The following GJB7 variants were observed in gnomAD, a reference collection of about 807,000 sequenced individuals.
GJB7 encodes gap junction beta-7 protein.
For missense variants in GJB7, 253 were observed against 256.8 expected (o/e 0.99, Z 0.10); for synonymous variants, 87 against 95.2 (o/e 0.91, Z 0.50).
At chr6:87,299,368 C>G (rs992344889) in intron 2 of GJB7, 3 of 491,764 alleles carry the variant, frequency 6.1e-6, no homozygotes, top group Non-Finnish European at 1.2e-5. Flanking sequence ...TGGAAAAACA[C>G]TGAATGATGA....
intron 2 of GJB7, among the ~76,000 whole-genome samples, chr6:87,312,032 G>A (rs1445532221): frequency 6.6e-6 from 1 of 152,058 alleles, no homozygotes; most frequent in African/African-American, 2.4e-5. Flanking sequence ...CCCAGGGGAG[G>A]GAGTGGATAG....
chr6:87,311,610 A>G lies in GJB7; in HGVS notation c.-28+11256T>C, dbSNP rs559620019. Among the ~76,000 whole-genome samples, 9 of 152,324 alleles carry G rather than the reference A, an allele frequency of 5.9e-5. No homozygotes were observed. In the South Asian group the frequency reaches 1.9e-3, roughly 32 times the overall value. ...GAATGTGTGAAGTTCATGACACAGT[A>G]TTTTAGGACTGGTGGACACAGTAAG... On this transcript the variant is annotated intron_variant, in intron 2 of 2. Coordinates refer to ENST00000525899, the MANE Select transcript of GJB7 (RefSeq NM_198568.3).
intron 2 of GJB7, among the ~76,000 whole-genome samples, chr6:87,314,538 G>A (rs186113570): frequency 2.6e-5 from 4 of 152,312 alleles, no homozygotes; most frequent in Admixed American, 1.3e-4. Context: ...AAGAAGCTAC[G>A]GAATTTTTTA....
chr6:87,318,465 C>T (rs1582569113), intron 2 of GJB7, among the ~76,000 whole-genome samples: 1 of 152,204 alleles, frequency 6.6e-6, no homozygotes, highest in East Asian at 1.9e-4. Context: ...ACTGACCTCA[C>T]TCAAGGCTTG....
intron 1 of GJB7, among the ~76,000 whole-genome samples, chr6:87,327,056 A>T (rs1176070036): frequency 6.7e-6 from 1 of 150,132 alleles, no homozygotes; most frequent in Non-Finnish European, 1.5e-5. Context: ...TTTGTTGGTT[A>T]AAAGTCTGTT....
At chr6:87,304,482 T>C (rs941426813) in intron 2 of GJB7, among the ~76,000 whole-genome samples, 3 of 152,138 alleles carry the variant, frequency 2.0e-5, no homozygotes, top group African/African-American at 4.8e-5. Context: ...CAGGAAGAAG[T>C]TGAATCCCTG....
intron 2 of GJB7, 34 bp downstream of exon 2, chr6:87,322,832 C>T (rs1160660534): frequency 6.6e-6 from 1 of 152,278 alleles, no homozygotes; most frequent in African/African-American, 2.4e-5. Context: ...CGGTGAAGCT[C>T]TCTGGCCCCA....
chr6:87,306,708 A>G (rs1776433823), intron 2 of GJB7, among the ~76,000 whole-genome samples: 3 of 152,196 alleles, frequency 2.0e-5, no homozygotes, highest in Non-Finnish European at 2.9e-5. Context: ...TCATGCTGCT[A>G]TAAAGACACA....
At position 87,323,380 on chromosome 6, in the gene GJB7, G is replaced by A. The variant is rs191862177; in HGVS notation, c.-205-337C>T. Among the ~76,000 whole-genome samples the A allele has an allele frequency of 6.2e-4, 94 of 151,978 alleles. No homozygotes were observed. In the Middle Eastern group the frequency reaches 0.01, roughly 16 times the overall value. ...TGCTGGTGCGATGCACCCACCAACT[G>A]GACATCTAACATTAGGTATATCTCC... On this transcript the variant is annotated intron_variant, in intron 1 of 2. Coordinates refer to ENST00000525899, the MANE Select transcript of GJB7 (RefSeq NM_198568.3).
intron 2 of GJB7, among the ~76,000 whole-genome samples, chr6:87,305,920 A>G (rs1279745778): frequency 2.6e-5 from 4 of 152,186 alleles, no homozygotes; most frequent in Non-Finnish European, 4.4e-5. Flanking sequence ...AAAACAAGCA[A>G]TGGGGAAAGG....
Position 87,321,494 on chromosome 6 carries a change from T to A in GJB7, c.-28+1372A>T, listed in dbSNP as rs184855100. ...TAATGCTGGTCAGTTGTGTCTAACCTCCAACGGGAGGAAGGTATAATGAGG... is the reference window on the plus strand; with the variant it reads ...TAATGCTGGTCAGTTGTGTCTAACCACCAACGGGAGGAAGGTATAATGAGG... On this transcript the variant is annotated intron_variant, in intron 2 of 2. Transcript: ENST00000525899. 5.3e-5 allele frequency among the ~76,000 whole-genome samples: 8 copies of A among 152,244 alleles called. No homozygotes were observed. The East Asian group carries it at 1.5e-3, about 29-fold the overall frequency.
intron 2 of GJB7, among the ~76,000 whole-genome samples, chr6:87,321,521 A>G (rs1437338443): frequency 6.6e-6 from 1 of 152,158 alleles, no homozygotes; most frequent in Non-Finnish European, 1.5e-5. Context: ...ATAATGAGGC[A>G]TATCCAACCG....
At chr6:87,291,256 A>G (rs1044095921) in intron 2 of GJB7, among the ~76,000 whole-genome samples, 9 of 152,190 alleles carry the variant, frequency 5.9e-5, no homozygotes, top group Non-Finnish European at 7.3e-5. Context: ...ATATAGATGC[A>G]TAAGAGCCAT....
intron 2 of GJB7, among the ~76,000 whole-genome samples, chr6:87,317,866 A>G (rs1776604766): frequency 1.5e-5 from 2 of 130,184 alleles, no homozygotes. Context: ...AACTACACTG[A>G]TAATAAACTT....
intron 1 of GJB7, among the ~76,000 whole-genome samples, chr6:87,323,468 C>A (rs1340029324): frequency 7.5e-6 from 1 of 133,886 alleles, no homozygotes; most frequent in African/African-American, 2.8e-5. Context: ...TGTTCCCCTT[C>A]CTGTGTCCAT....
rs529644296 is a variant in GJB7 at position 87,300,145 on chromosome 6, C to A, written c.-27-15206G>T. The A allele has an allele frequency of 5.8e-4, 142 of 245,940 alleles. 1 individual carries two copies. Among genetic ancestry groups the A allele is most frequent in the Admixed American group, 9.8e-4 (20 of 20,394 alleles). The allele number at this position is 245,940 out of a possible 1,614,324, so 15.2% of individuals were successfully genotyped here. A position where few individuals can be genotyped will look rare whatever the true frequency, so the allele number is the denominator to read the frequency against. The stretch of plus-strand genomic sequence containing the variant: ...TCCAGCTAATGAAGATTTAAAAATT[C>A]GTACAGAAGTTATTAAAAGAACACT... On this transcript the variant is annotated intron_variant, in intron 2 of 2. Coordinates refer to ENST00000525899, the MANE Select transcript of GJB7 (RefSeq NM_198568.3).
In GJB7 at chr6:87,284,194, G is replaced by A. The variant is rs1277413866; in HGVS notation, c.*47C>T. 6.8e-7 allele frequency: 1 copy of A among 1,462,324 alleles called. No individual in the cohort carries two copies. Among genetic ancestry groups the A allele is most frequent in the Non-Finnish European group, 9.4e-7 (1 of 1,060,644 alleles). 90.6% of individuals were successfully genotyped at this position (1,462,324 alleles called of 1,614,324 possible). A position where few individuals can be genotyped will look rare whatever the true frequency, so the allele number is the denominator to read the frequency against. On this transcript the variant is annotated 3_prime_UTR_variant, in exon 3 of 3. Transcript: ENST00000525899. ...CAAGTGTGAAGATTCTGGAGTAGGG[G>A]AGGGGTCCCTCTCCTACCACATTCA...
Position 87,299,339 on chromosome 6 carries a change from G to T in GJB7, c.-27-14400C>A, listed in dbSNP as rs1399944195. The T allele has an allele frequency of 1.3e-5, 6 of 474,010 alleles. 1 individual carries two copies. The highest frequency in any genetic ancestry group is 8.4e-6 in the Non-Finnish European group (2 of 237,960). The allele number at this position is 474,010 out of a possible 1,614,324, so 29.4% of individuals were successfully genotyped here. ...GATGCAAATAAATTTGGAAGAAAGG[G>T]TGTCCTCACAGTAAAGGATGGAAAA... is the stretch of plus-strand genomic sequence containing the variant. On this transcript the variant is annotated intron_variant, in intron 2 of 2. Coordinates refer to ENST00000525899, the MANE Select transcript of GJB7 (RefSeq NM_198568.3).
At chr6:87,314,736 GTCTAC>G (rs561717509) in intron 2 of GJB7, among the ~76,000 whole-genome samples, 92 of 152,178 alleles carry the variant, frequency 6.0e-4, no homozygotes, top group African/African-American at 2.0e-3. Context: ...CATCTCCCTA[GTCTAC>G]TCAACATTCT....
Sources: gnomAD v4.1 joint callset for allele counts (sites outside exome capture counted in the v4.1 genomes callset) on GRCh38, gnomAD v4.1.1 for gene constraint, MANE v1.5 for transcripts, NCBI Gene and HGNC (gene_info 2026-07-23, HGNC 2026-07-21) for gene names.